Variants in WWOX observed in about 807,000 individuals in gnomAD.
The protein encoded by WWOX is WW domain containing oxidoreductase.
WWOX carries 69 observed loss-of-function variants against 46.2 expected under a neutral mutation model. The ratio of observed to expected loss-of-function variants is 1.49; its 90% CI spans 1.23 to 1.82. The LOEUF is 1.82. Ranked by LOEUF, WWOX falls within the 40% of genes most tolerant of loss-of-function variation. The pLI is 0.00. For synonymous variants in WWOX, 359 were observed against 202.6 expected (o/e 1.77, Z -6.56); for missense variants, 919 against 542.6 (o/e 1.69, Z -6.89).
chr16:78,983,471 A>G (rs2046722827), intron 8 of WWOX, among the ~76,000 whole-genome samples: 1 of 152,192 alleles, frequency 6.6e-6, no homozygotes, highest in African/African-American at 2.4e-5. Flanking sequence ...GCCTTTTCTA[A>G]TAGGAAAGAC....
At chr16:79,161,639 C>T (rs1463291632) in intron 8 of WWOX, among the ~76,000 whole-genome samples, 5 of 152,166 alleles carry the variant, frequency 3.3e-5, no homozygotes, top group African/African-American at 9.7e-5. Context: ...TCCCCTGCCT[C>T]AGCTTCCCGA....
At chr16:78,875,896 A>G (rs1185661661) in intron 8 of WWOX, among the ~76,000 whole-genome samples, 4 of 152,136 alleles carry the variant, frequency 2.6e-5, no homozygotes, top group East Asian at 1.9e-4. Context: ...AACTTGTTCT[A>G]ATTCTTTCTC....
At chr16:78,937,614 T>C (rs1402096127) in intron 8 of WWOX, among the ~76,000 whole-genome samples, 1 of 144,348 alleles carries the variant, frequency 6.9e-6, no homozygotes, top group Non-Finnish European at 1.5e-5. Context: ...TATTTATTTA[T>C]TTATTTATTT....
At chr16:78,886,611 A>C (rs1039167492) in intron 8 of WWOX, among the ~76,000 whole-genome samples, 2 of 146,656 alleles carry the variant, frequency 1.4e-5, no homozygotes, top group African/African-American at 5.1e-5. Flanking sequence ...TGCTTTCCAG[A>C]AACTATATAA....
At chr16:78,408,056 G>A (rs1414623036) in intron 6 of WWOX, among the ~76,000 whole-genome samples, 1 of 152,126 alleles carries the variant, frequency 6.6e-6, no homozygotes, top group African/African-American at 2.4e-5. Flanking sequence ...GAGAGTGGCA[G>A]GAGGCAGCCA....
chr16:78,551,008 A>T (rs2044159990), intron 8 of WWOX: 2 of 152,226 alleles, frequency 1.3e-5, no homozygotes, highest in South Asian at 4.1e-4. Flanking sequence ...CAGTCAATAT[A>T]TTCAGTGAAA....
chr16:78,821,787 G>C (rs558119937), intron 8 of WWOX, among the ~76,000 whole-genome samples: 2 of 152,318 alleles, frequency 1.3e-5, no homozygotes, highest in East Asian at 1.9e-4. Flanking sequence ...CATAGTGTCA[G>C]ACACAAAATA....
intron 5 of WWOX, among the ~76,000 whole-genome samples, chr16:78,354,221 C>A (rs1311558489): frequency 6.6e-6 from 1 of 150,896 alleles, no homozygotes; most frequent in Non-Finnish European, 1.5e-5. Context: ...CTGGTGCCCA[C>A]CCCAGCACCC....
At chr16:78,314,687 GGTTTTTTTTTTTTGTTTTTT>G (rs1234806511) in intron 5 of WWOX, among the ~76,000 whole-genome samples, 17 of 92,058 alleles carry the variant, frequency 1.8e-4, no homozygotes, top group African/African-American at 1.0e-3. Flanking sequence ...ACCCTGCAGG[GGTTTTTTTTTTTTGTTTTTT>G]TTTTTTTTTT....
At chr16:78,624,371 A>G (rs969899660) in intron 8 of WWOX, among the ~76,000 whole-genome samples, 1 of 152,018 alleles carries the variant, frequency 6.6e-6, no homozygotes, top group Non-Finnish European at 1.5e-5. Context: ...TGTTCCTTTT[A>G]TTGTCACCTC....
intron 8 of WWOX, among the ~76,000 whole-genome samples, chr16:78,581,838 T>G (rs1161843380): frequency 1.3e-5 from 2 of 152,212 alleles, no homozygotes; most frequent in African/African-American, 4.8e-5. Context: ...TCATATCCTT[T>G]TATTTCATAA....
chr16:78,744,665 T>C (rs559018641), intron 8 of WWOX, among the ~76,000 whole-genome samples: 1 of 152,078 alleles, frequency 6.6e-6, no homozygotes, highest in South Asian at 2.1e-4. Flanking sequence ...TTCTTGACCT[T>C]AAGTGATCCA....
At chr16:78,637,238 AT>A (rs1342550574) in intron 8 of WWOX, among the ~76,000 whole-genome samples, 1 of 152,090 alleles carries the variant, frequency 6.6e-6, no homozygotes, top group Non-Finnish European at 1.5e-5. Flanking sequence ...CCTGGGCAAC[AT>A]GGTGAACTCC....
intron 5 of WWOX, among the ~76,000 whole-genome samples, chr16:78,207,660 C>T (rs1830683421): frequency 2.0e-5 from 3 of 150,738 alleles, no homozygotes; most frequent in East Asian, 2.0e-4. Flanking sequence ...CTGCTATATC[C>T]GGTAACAGGA....
intron 5 of WWOX, among the ~76,000 whole-genome samples, chr16:78,193,914 G>A (rs2035964175): frequency 6.6e-6 from 1 of 150,632 alleles, no homozygotes; most frequent in South Asian, 2.1e-4. Flanking sequence ...CTCTCGCACT[G>A]TCGCCCAGGC....
chr16:78,811,828 A>G (rs2051197904), intron 8 of WWOX, among the ~76,000 whole-genome samples: 1 of 152,204 alleles, frequency 6.6e-6, no homozygotes, highest in South Asian at 2.1e-4. Flanking sequence ...GAGGGACACA[A>G]ACATTCAGTC....
chr16:79,119,464 G>C (rs9933651), intron 8 of WWOX, among the ~76,000 whole-genome samples: 5,482 of 152,230 alleles, frequency 0.036, 352 homozygotes, highest in African/African-American at 0.13. Context: ...TGCCATCCGC[G>C]CTCCATGAGT....
chr16:78,630,562 G>A (rs1486197613), intron 8 of WWOX, among the ~76,000 whole-genome samples: 1 of 152,122 alleles, frequency 6.6e-6, no homozygotes, highest in Non-Finnish European at 1.5e-5. Flanking sequence ...CATTTCTGGG[G>A]GACTAATTAA....
intron 8 of WWOX, among the ~76,000 whole-genome samples, chr16:78,638,790 C>G (rs927580111): frequency 3.3e-5 from 5 of 152,110 alleles, no homozygotes; most frequent in African/African-American, 1.2e-4. Flanking sequence ...TCTAGGAATT[C>G]ACAGTAAAAT....
Sources: allele counts gnomAD v4.1 joint callset (sites outside exome capture counted in the v4.1 genomes callset), GRCh38; gene constraint gnomAD v4.1.1; transcripts MANE v1.5; gene names NCBI Gene and HGNC (gene_info 2026-07-23, HGNC 2026-07-21).